The following FXR1 variants were observed in gnomAD, a reference collection of about 807,000 sequenced individuals.
The protein encoded by FXR1 is FMR1 autosomal homolog 1.
Under a neutral mutation model 84.0 loss-of-function variants are expected in FXR1, and 15 were observed. The observed-to-expected ratio is 0.18, with a 90% CI of 0.12 to 0.27. The LOEUF (loss-of-function observed/expected upper bound fraction) is 0.27, where lower values mean the gene tolerates loss of function less well. FXR1 is among the 10% of genes least tolerant of loss of function. The pLI is 1.00. For missense variants in FXR1, 480 were observed against 774.4 expected (o/e 0.62, Z 4.51); for synonymous variants, 245 against 250.7 (o/e 0.98, Z 0.21).
intron 1 of FXR1, among the ~76,000 whole-genome samples, chr3:180,920,130 AT>A (rs1718402301): frequency 6.6e-6 from 1 of 152,086 alleles, no homozygotes; most frequent in African/African-American, 2.4e-5. Context: ...CCGTGTTGAG[AT>A]TTCTTCAGAT....
At position 180,968,169 on chromosome 3, in the gene FXR1, G is replaced by T. The variant is rs1220565520; in HGVS notation, c.1317G>T (p.Arg439Ser). Residue 439 changes from arginine to serine, a missense_variant, in exon 14 of 17, where the codon AGG becomes AGT. Around this residue, in one of 6 missense-constraint regions of FXR1, gnomAD observed 157 missense variants for 227.8 expected, o/e 0.69. Coordinates refer to ENST00000357559, the MANE Select transcript of FXR1 (RefSeq NM_005087.4). ...ACAGCCGACATCAGCGTGACAGCAG[G>T]AGACGCCCAGGAGGAAGAGGCAGAA... ...DRDSRHQRDS[R>S]RRPGGRGRSV... The T allele has an allele frequency of 3.1e-6, 5 of 1,613,836 alleles. No homozygotes were observed. The highest frequency in any genetic ancestry group is 4.2e-6 in the Non-Finnish European group (5 of 1,179,820).
chr3:180,932,075 CA>C (rs4042648), intron 1 of FXR1, among the ~76,000 whole-genome samples: 3,817 of 79,162 alleles, frequency 0.048, 216 homozygotes, highest in African/African-American at 0.15. Context: ...TTGTAAGTTT[CA>C]AAAAAAAAAA....
At chr3:180,913,322 C>G (rs1717470914) in intron 1 of FXR1, among the ~76,000 whole-genome samples, 1 of 152,140 alleles carries the variant, frequency 6.6e-6, no homozygotes, top group Non-Finnish European at 1.5e-5. Flanking sequence ...AAGCAGAAAA[C>G]CTTGAATTGT....
At chr3:180,972,882 TAGC>T (rs774928408) in intron 15 of FXR1, among the ~76,000 whole-genome samples, 23 of 152,238 alleles carry the variant, frequency 1.5e-4, no homozygotes, top group Non-Finnish European at 2.8e-4. Flanking sequence ...TTGATCCTAG[TAGC>T]AGTTCTAGGA....
At chr3:180,947,775 G>C (rs942906683) in intron 3 of FXR1, 90 bp from the exon 4 acceptor site, 5 of 562,234 alleles carry the variant, frequency 8.9e-6, no homozygotes, top group Admixed American at 5.9e-5. Context: ...TCATTCTTAA[G>C]TTTATTGGGA....
At chr3:180,926,495 TATA>T (rs1347732838) in intron 1 of FXR1, among the ~76,000 whole-genome samples, 31 of 109,622 alleles carry the variant, frequency 2.8e-4, no homozygotes, top group South Asian at 1.1e-3. Flanking sequence ...TATATATATA[TATA>T]TATATATATT....
At chr3:180,950,109 T>C (rs891811618) in intron 7 of FXR1, among the ~76,000 whole-genome samples, 17 of 152,304 alleles carry the variant, frequency 1.1e-4, no homozygotes, top group African/African-American at 3.4e-4. Flanking sequence ...CCTAAGGTAC[T>C]CTGTTTTGTC....
intron 7 of FXR1, among the ~76,000 whole-genome samples, 156 bp from the exon 8 acceptor site, chr3:180,951,142 G>A (rs1282378771): frequency 6.6e-6 from 1 of 152,110 alleles, no homozygotes; most frequent in Non-Finnish European, 1.5e-5. Context: ...ACGATTGCTT[G>A]AGCCCAGGAG....
chr3:180,961,054 GGTACAGTGGCTCACGCCT>G (rs1712040194), intron 10 of FXR1, among the ~76,000 whole-genome samples: 1 of 152,032 alleles, frequency 6.6e-6, no homozygotes, highest in Non-Finnish European at 1.5e-5. Context: ...ATTGGGGCTG[GGTACAGTGGCTCACGCCT>G]GTAACCTCTT....
intron 1 of FXR1, among the ~76,000 whole-genome samples, chr3:180,919,067 G>A (rs567125511): frequency 8.5e-5 from 13 of 152,238 alleles, no homozygotes; most frequent in African/African-American, 2.9e-4. Context: ...AATATGAGGA[G>A]AATTATGAGG....
At chr3:180,945,131 GGTTATTCTT>G (rs147256155) in intron 3 of FXR1, among the ~76,000 whole-genome samples, 159 of 152,172 alleles carry the variant, frequency 1.0e-3, no homozygotes, top group African/African-American at 3.7e-3. Context: ...AGCTTATTCT[GGTTATTCTT>G]ACAGTTGGAT....
intron 3 of FXR1, among the ~76,000 whole-genome samples, chr3:180,945,380 T>TAA (rs1016442142): frequency 7.9e-5 from 12 of 152,240 alleles, no homozygotes; most frequent in Non-Finnish European, 1.3e-4. Flanking sequence ...AAACATTTCT[T>TAA]AAAATTTTAT....
intron 1 of FXR1, among the ~76,000 whole-genome samples, chr3:180,931,298 A>G (rs1719870135): frequency 6.6e-6 from 1 of 151,688 alleles, no homozygotes; most frequent in African/African-American, 2.4e-5. Context: ...GGCTCACTGC[A>G]ACCTCTGCCT....
intron 1 of FXR1, among the ~76,000 whole-genome samples, chr3:180,926,506 A>ATATATATTT (rs72192827): frequency 1.0e-3 from 127 of 124,348 alleles, no homozygotes; most frequent in Non-Finnish European, 1.6e-3. Context: ...ATATATATAT[A>ATATATATTT]TTTTTTTTTC....
rs536003192 is a variant in FXR1 at position 180,969,019 on chromosome 3, G to A, written c.1402+765G>A. Among the ~76,000 whole-genome samples, 29 of 152,240 alleles carry A rather than the reference G, an allele frequency of 1.9e-4. 1 individual carries two copies. In the South Asian group the frequency reaches 5.8e-3, roughly 30 times the overall value. On this transcript the variant is annotated intron_variant, in intron 14 of 16. Transcript: ENST00000357559. The stretch of plus-strand genomic sequence containing the variant: ...TAATGTTATACCCATGAAAACTTAT[G>A]TAGTATTTTAATATTATAGAAAGTG...
intron 13 of FXR1, among the ~76,000 whole-genome samples, chr3:180,963,862 G>GT (rs1159329745): frequency 6.7e-6 from 1 of 150,274 alleles, no homozygotes; most frequent in Middle Eastern, 3.5e-3. Flanking sequence ...GACCTGATTT[G>GT]TTTTTTTCCT....
chr3:180,937,664 T>C (rs1377906507), intron 3 of FXR1, among the ~76,000 whole-genome samples: 1 of 152,182 alleles, frequency 6.6e-6, no homozygotes, highest in Non-Finnish European at 1.5e-5. Context: ...TTAAGCATAA[T>C]CTTGCCACCC....
chr3:180,982,416 A>G lies in FXR1; in HGVS notation c.*6124A>G, dbSNP rs1250682613. ...CCTTCAATGAAACACGGATTCTTCTACTTAAAAAAGGTAAGCCTGGAGAAA... is the reference window on the plus strand; with the variant it reads ...CCTTCAATGAAACACGGATTCTTCTGCTTAAAAAAGGTAAGCCTGGAGAAA... On this transcript the variant is annotated 3_prime_UTR_variant, in exon 17 of 17. Coordinates refer to ENST00000357559, the MANE Select transcript of FXR1 (RefSeq NM_005087.4). 1.3e-5 allele frequency: 2 copies of G among 152,100 alleles called. No individual in the cohort carries two copies. Among genetic ancestry groups the G allele is most frequent in the Admixed American group, 6.6e-5 (1 of 15,258 alleles). The allele number at this position is 152,100 out of a possible 1,614,324, so 9.4% of individuals were successfully genotyped here. A position where few individuals can be genotyped will look rare whatever the true frequency, so the allele number is the denominator to read the frequency against.
At chr3:180,933,589 C>T (rs535170860) in intron 2 of FXR1, among the ~76,000 whole-genome samples, 9 of 152,144 alleles carry the variant, frequency 5.9e-5, no homozygotes, top group East Asian at 1.9e-4. Context: ...TAACCCTCTT[C>T]GCCAGAACAT....
Sources: allele counts gnomAD v4.1 joint callset (sites outside exome capture counted in the v4.1 genomes callset), GRCh38; gene constraint gnomAD v4.1.1; regional missense constraint gnomAD v4.1.1; transcripts MANE v1.5; gene names NCBI Gene and HGNC (gene_info 2026-07-23, HGNC 2026-07-21).